Variants in STAU2 observed in about 807,000 individuals in gnomAD.
STAU2 encodes the protein staufen double-stranded RNA binding protein 2.
Under a neutral mutation model 65.9 loss-of-function variants are expected in STAU2, and 20 were observed. The ratio of observed to expected loss-of-function variants is 0.30; its 90% CI spans 0.21 to 0.44. STAU2 has a LOEUF of 0.44. Ranked by LOEUF, STAU2 falls within the 20% of genes least tolerant of loss-of-function variation. The pLI, the probability that STAU2 is intolerant of heterozygous loss-of-function variation, is 1.00. For missense variants in STAU2, 558 were observed against 683.9 expected (o/e 0.82, Z 2.05); for synonymous variants, 232 against 233.9 (o/e 0.99, Z 0.07).
At chr8:73,632,066 G>A (rs1018505149) in intron 6 of STAU2, among the ~76,000 whole-genome samples, 5 of 151,908 alleles carry the variant, frequency 3.3e-5, no homozygotes, top group Admixed American at 6.6e-5. Flanking sequence ...ACACGAACAC[G>A]AGCAAGAGAA....
intron 6 of STAU2, among the ~76,000 whole-genome samples, chr8:73,654,270 T>C (rs1170811229): frequency 6.6e-6 from 1 of 152,112 alleles, no homozygotes; most frequent in East Asian, 1.9e-4. Flanking sequence ...GAGGATTACA[T>C]TATATACCAG....
intron 12 of STAU2, among the ~76,000 whole-genome samples, chr8:73,560,672 A>T (rs1006412340): frequency 6.6e-6 from 1 of 152,238 alleles, no homozygotes; most frequent in Non-Finnish European, 1.5e-5. Context: ...CCAAAAAGGC[A>T]GAATCCCAGG....
chr8:73,711,020 C>T (rs1462548003), intron 3 of STAU2, among the ~76,000 whole-genome samples: 1 of 148,084 alleles, frequency 6.8e-6, no homozygotes, highest in Non-Finnish European at 1.5e-5. Flanking sequence ...TATAAGAAAA[C>T]TACGTAAGCA....
intron 10 of STAU2, among the ~76,000 whole-genome samples, chr8:73,597,312 A>C (rs906992101): frequency 1.4e-4 from 21 of 152,032 alleles, no homozygotes; most frequent in African/African-American, 5.1e-4. Flanking sequence ...GAAATGAAAT[A>C]ATTAAAAAGG....
At chr8:73,735,724 C>T (rs1216838679) in intron 3 of STAU2, among the ~76,000 whole-genome samples, 1 of 152,196 alleles carries the variant, frequency 6.6e-6, no homozygotes, top group African/African-American at 2.4e-5. Context: ...TAGCCAACAT[C>T]CAGGGAATTG....
chr8:73,519,159 C>G (rs1822904290), intron 13 of STAU2, among the ~76,000 whole-genome samples: 1 of 152,154 alleles, frequency 6.6e-6, no homozygotes, highest in Non-Finnish European at 1.5e-5. Flanking sequence ...ACGTACAGAG[C>G]AAGCAAAGCC....
At chr8:73,546,176 A>G (rs1806923750) in intron 13 of STAU2, among the ~76,000 whole-genome samples, 2 of 116,158 alleles carry the variant, frequency 1.7e-5, no homozygotes, top group Non-Finnish European at 3.3e-5. Context: ...CATGTTGGCC[A>G]GGTTGGTCTC....
chr8:73,556,947 A>T (rs1319875377), intron 12 of STAU2, among the ~76,000 whole-genome samples: 2 of 151,990 alleles, frequency 1.3e-5, no homozygotes, highest in African/African-American at 2.4e-5. Context: ...GTAAAAAAAA[A>T]TTGCCAATTT....
Position 73,741,487 on chromosome 8 carries a change from G to A in STAU2, c.-196-1619C>T, listed in dbSNP as rs556760885. Among the ~76,000 whole-genome samples, 10 of 151,588 alleles carry A rather than the reference G, an allele frequency of 6.6e-5. No individual in the cohort carries two copies. In the South Asian group the frequency reaches 1.9e-3, roughly 29 times the overall value. ...GAAGCAAGCAGAGTAAGATATTGGG[G>A]TACCTTTTTGAAAGTTCTAACCTTT... On this transcript the variant is annotated intron_variant, in intron 1 of 14. Transcript: ENST00000524300.
chr8:73,488,990 T>A (rs190677366), intron 13 of STAU2, among the ~76,000 whole-genome samples: 34 of 152,020 alleles, frequency 2.2e-4, no homozygotes, highest in Admixed American at 4.6e-4. Context: ...CTGGGTCAAT[T>A]TTTTTTTCTA....
At chr8:73,595,625 G>A (rs768407491) in intron 10 of STAU2, among the ~76,000 whole-genome samples, 23 of 151,906 alleles carry the variant, frequency 1.5e-4, no homozygotes, top group Non-Finnish European at 2.5e-4. Flanking sequence ...TTTTAACAGC[G>A]TTCATGTTGG....
At chr8:73,679,935 C>T (rs59716012) in intron 5 of STAU2, among the ~76,000 whole-genome samples, 37,998 of 140,414 alleles carry the variant, frequency 0.27, 5,701 homozygotes, top group East Asian at 0.44. Context: ...GAAGCAGCAG[C>T]GATAAGAGAC....
rs73332830 is a variant in STAU2, at chr8:73,731,546, A to C, written c.-18+6738T>G. Among the ~76,000 whole-genome samples, 541 of 152,250 alleles carry C rather than the reference A, an allele frequency of 3.6e-3. 3 individuals carry two copies. Among genetic ancestry groups the C allele is most frequent in the African/African-American group, 0.011 (466 of 41,530 alleles). ...GGTGCTGCCTGTCATCAATGTCTAAAAGCTATTGTTTATATATTTTATAAA... is the reference window on the plus strand; with the variant it reads ...GGTGCTGCCTGTCATCAATGTCTAACAGCTATTGTTTATATATTTTATAAA... On this transcript the variant is annotated intron_variant, in intron 3 of 14. Coordinates refer to ENST00000524300, the MANE Select transcript of STAU2 (RefSeq NM_001164380.2).
At chr8:73,594,076 A>AT (rs1811011375) in intron 11 of STAU2, among the ~76,000 whole-genome samples, 1 of 152,218 alleles carries the variant, frequency 6.6e-6, no homozygotes, top group Non-Finnish European at 1.5e-5. Flanking sequence ...TTTATAGATC[A>AT]CTCACCAGTT....
rs1806708685 is a variant in STAU2, at chr8:73,739,772, C to G, written c.-100G>C. On this transcript the variant is annotated 5_prime_UTR_variant, in exon 2 of 15. Coordinates refer to ENST00000524300, the MANE Select transcript of STAU2 (RefSeq NM_001164380.2). ...TCAGATTACCTTCTGAGCCTTGGTTCAAATTACTTTGTGTATCTTTGAGTT... is the reference window on the plus strand; with the variant it reads ...TCAGATTACCTTCTGAGCCTTGGTTGAAATTACTTTGTGTATCTTTGAGTT... 1 of 1,518,666 alleles carries G rather than the reference C, an allele frequency of 6.6e-7. No homozygotes were observed. The highest frequency in any genetic ancestry group is 1.4e-5 in the African/African-American group (1 of 71,814). The allele number at this position is 1,518,666 out of a possible 1,614,324, so 94.1% of individuals were successfully genotyped here.
intron 13 of STAU2, among the ~76,000 whole-genome samples, chr8:73,474,261 T>C (rs1048430174): frequency 2.5e-4 from 38 of 152,282 alleles, no homozygotes; most frequent in Non-Finnish European, 3.1e-4. Flanking sequence ...CTTCTTGAAA[T>C]GTCTGCCAGC....
At chr8:73,714,874 G>C (rs1821131851) in intron 3 of STAU2, among the ~76,000 whole-genome samples, 5 of 152,098 alleles carry the variant, frequency 3.3e-5, no homozygotes, top group Admixed American at 3.3e-4. Flanking sequence ...CTGAGGTCAG[G>C]AGTTCCAGAC....
At chr8:73,482,344 A>T (rs1820676384) in intron 13 of STAU2, among the ~76,000 whole-genome samples, 1 of 37,338 alleles carries the variant, frequency 2.7e-5, no homozygotes, top group Non-Finnish European at 9.2e-5. Flanking sequence ...TTATGATCTT[A>T]AAAAAAAACT....
intron 5 of STAU2, among the ~76,000 whole-genome samples, chr8:73,684,367 T>C (rs28776023): frequency 0.073 from 11,046 of 152,154 alleles, 442 homozygotes; most frequent in Middle Eastern, 0.14. Context: ...GGAAAGGACA[T>C]CCTATTCAAC....
Sources: allele counts gnomAD v4.1 joint callset (sites outside exome capture counted in the v4.1 genomes callset), GRCh38; gene constraint gnomAD v4.1.1; transcripts MANE v1.5; gene names NCBI Gene and HGNC (gene_info 2026-07-23, HGNC 2026-07-21).